Variants in S100Z observed in about 807,000 individuals in gnomAD.
S100Z encodes the protein protein S100-Z.
Under a neutral mutation model 8.5 loss-of-function variants are expected in S100Z, and 11 were observed. That is an observed-to-expected ratio of 1.30 (90% CI 0.82 to 2.15). The LOEUF (loss-of-function observed/expected upper bound fraction) is 2.15. S100Z is among the 30% of genes most tolerant of loss of function. The probability of loss-of-function intolerance (pLI) is 0.00; values close to 1 mark genes in which losing one functional copy is unlikely to be tolerated. For missense variants in S100Z, 126 were observed against 117.9 expected (o/e 1.07, Z -0.32); for synonymous variants, 34 against 43.8 (o/e 0.78, Z 0.89).
chr5:76,937,296 A>T, the S100Z span, among the ~76,000 whole-genome samples: 1 of 151,962 alleles, frequency 6.6e-6, no homozygotes, highest in African/African-American at 2.4e-5. Context: ...ATGAGGAGGA[A>T]GGGGTTGCAC....
intron 4 of S100Z, among the ~76,000 whole-genome samples, chr5:76,917,690 G>A (rs1744896847): frequency 6.6e-6 from 1 of 152,108 alleles, no homozygotes; most frequent in South Asian, 2.1e-4. Context: ...GGATGTAGTG[G>A]CACATGCCTG....
At chr5:76,880,596 T>C (rs1743371936) in intron 4 of S100Z, among the ~76,000 whole-genome samples, 1 of 152,116 alleles carries the variant, frequency 6.6e-6, no homozygotes, top group Non-Finnish European at 1.5e-5. Flanking sequence ...TGCGGTTTTG[T>C]ATGAATTGAG....
At chr5:76,948,562 A>G in the S100Z span, among the ~76,000 whole-genome samples, 101 of 152,354 alleles carry the variant, frequency 6.6e-4, no homozygotes, top group Non-Finnish European at 1.2e-3. Flanking sequence ...CAAATGGCCA[A>G]CCAGTATATG....
At chr5:76,901,965 C>G (rs1744244971) in intron 4 of S100Z, among the ~76,000 whole-genome samples, 1 of 152,104 alleles carries the variant, frequency 6.6e-6, no homozygotes, top group South Asian at 2.1e-4. Flanking sequence ...TTCAAGGCAG[C>G]AGGTTCCCTC....
the S100Z span, among the ~76,000 whole-genome samples, chr5:76,944,201 C>T: frequency 6.6e-6 from 1 of 152,160 alleles, no homozygotes; most frequent in Non-Finnish European, 1.5e-5. Flanking sequence ...TACCATTGAA[C>T]CCTCATTGCC....
intron 4 of S100Z, among the ~76,000 whole-genome samples, chr5:76,890,919 A>G (rs112052080): frequency 0.056 from 8,529 of 152,080 alleles, 658 homozygotes; most frequent in African/African-American, 0.16. Context: ...CTGGAGTGCA[A>G]TGGCACAGTC....
the S100Z span, among the ~76,000 whole-genome samples, chr5:76,941,311 C>G: frequency 4.0e-4 from 61 of 152,244 alleles, no homozygotes; most frequent in African/African-American, 1.4e-3. Context: ...CCCCACATGC[C>G]CTGGGAGGGA....
intron 4 of S100Z, among the ~76,000 whole-genome samples, chr5:76,906,162 A>G (rs1264400409): frequency 6.6e-6 from 1 of 152,202 alleles, no homozygotes; most frequent in African/African-American, 2.4e-5. Context: ...TTTATTCTTT[A>G]TTAAGGTATA....
the S100Z span, among the ~76,000 whole-genome samples, chr5:76,940,989 G>A: frequency 6.6e-6 from 1 of 152,092 alleles, no homozygotes; most frequent in Admixed American, 6.5e-5. Context: ...TTATGGGTGT[G>A]TATTAGTCCA....
intron 4 of S100Z, among the ~76,000 whole-genome samples, chr5:76,900,461 T>C (rs1744192106): frequency 6.6e-6 from 1 of 152,218 alleles, no homozygotes; most frequent in South Asian, 2.1e-4. Flanking sequence ...TATTTTCAAG[T>C]AGCCTCTCTT....
At chr5:76,851,942 G>A (rs1485698012) in intron 1 of S100Z, among the ~76,000 whole-genome samples, 1 of 152,114 alleles carries the variant, frequency 6.6e-6, no homozygotes, top group Admixed American at 6.6e-5. Context: ...TCCTGTTTGA[G>A]TTGTCCTGCA....
the S100Z span, among the ~76,000 whole-genome samples, chr5:76,944,370 T>C: frequency 6.6e-6 from 1 of 152,104 alleles, no homozygotes. Context: ...TGGAGGAAGA[T>C]GGGTGAGATG....
At chr5:76,870,534 G>A (rs1204239939) in intron 2 of S100Z, among the ~76,000 whole-genome samples, 1 of 152,150 alleles carries the variant, frequency 6.6e-6, no homozygotes, top group Non-Finnish European at 1.5e-5. Context: ...GCTGCTCCCA[G>A]GATGTAGACC....
At chr5:76,943,088 C>A in the S100Z span, among the ~76,000 whole-genome samples, 1 of 152,130 alleles carries the variant, frequency 6.6e-6, no homozygotes, top group East Asian at 1.9e-4. Context: ...TATACATGTG[C>A]CACAGTGGGG....
chr5:76,860,462 C>G (rs1356963320), intron 1 of S100Z, among the ~76,000 whole-genome samples: 3 of 152,128 alleles, frequency 2.0e-5, no homozygotes, highest in Admixed American at 6.5e-5. Context: ...GCCCGACCCT[C>G]TCAGCTGCTC....
intron 4 of S100Z, among the ~76,000 whole-genome samples, chr5:76,908,680 A>C (rs1299947305): frequency 3.3e-5 from 5 of 152,294 alleles, no homozygotes; most frequent in Admixed American, 6.5e-5. Context: ...GGATATGGGG[A>C]GCCTCAGAAA....
At chr5:76,868,664 C>A (rs1742879996) in intron 1 of S100Z, among the ~76,000 whole-genome samples, 1 of 144,398 alleles carries the variant, frequency 6.9e-6, no homozygotes, top group Admixed American at 7.3e-5. Context: ...GGCTGCAACA[C>A]CCAGGCTGGA....
the S100Z span, among the ~76,000 whole-genome samples, chr5:76,937,876 C>T: frequency 6.6e-6 from 1 of 150,588 alleles, no homozygotes; most frequent in Admixed American, 6.6e-5. Context: ...TTTTCTAGAA[C>T]TTTATAGAGG....
chr5:76,922,570 A>G (rs2657048), downstream of S100Z, among the ~76,000 whole-genome samples: 142,300 of 152,136 alleles, frequency 0.94, 66,906 homozygotes, highest in Non-Finnish European at 0.99. Flanking sequence ...CCGTTGCCCA[A>G]GCTGAAGTGC....
Sources: allele counts gnomAD v4.1 joint callset (sites outside exome capture counted in the v4.1 genomes callset), GRCh38; gene constraint gnomAD v4.1.1; transcripts MANE v1.5; gene names NCBI Gene and HGNC (gene_info 2026-07-23, HGNC 2026-07-21).